The following FAT3 variants were observed in gnomAD, a reference collection of about 807,000 sequenced individuals.
The protein encoded by FAT3 is FAT atypical cadherin 3, also known as protocadherin Fat 3.
Under a neutral mutation model 310.2 loss-of-function variants are expected in FAT3, and 95 were observed. The observed-to-expected ratio is 0.31, with a 90% CI of 0.26 to 0.36. The LOEUF (loss-of-function observed/expected upper bound fraction) is 0.36, where lower values mean the gene tolerates loss of function less well. Among genes scored for constraint, FAT3 ranks in the 10% least tolerant of loss-of-function variants. The pLI is 1.00. For missense variants in FAT3, 5,408 were observed against 5,715.6 expected (o/e 0.95, Z 1.74); for synonymous variants, 2,314 against 2,192.9 (o/e 1.06, Z -1.54).
At chr11:92,477,775 T>A (rs1300574036) in intron 2 of FAT3, among the ~76,000 whole-genome samples, 1 of 152,208 alleles carries the variant, frequency 6.6e-6, no homozygotes, top group Non-Finnish European at 1.5e-5. Context: ...TTCACTGATT[T>A]TTTCTATGTC....
chr11:92,766,206 C>T (rs918480334), intron 6 of FAT3, among the ~76,000 whole-genome samples: 2 of 152,132 alleles, frequency 1.3e-5, no homozygotes, highest in African/African-American at 2.4e-5. Context: ...CAGGGAGAGG[C>T]GCTGGAGAGG....
intron 2 of FAT3, among the ~76,000 whole-genome samples, chr11:92,450,868 A>G (rs1448062523): frequency 1.3e-5 from 2 of 152,210 alleles, no homozygotes; most frequent in African/African-American, 2.4e-5. Flanking sequence ...TTTAATTGCA[A>G]TATTGAAAAT....
chr11:92,410,161 A>T (rs895355790), intron 2 of FAT3, among the ~76,000 whole-genome samples: 4 of 151,998 alleles, frequency 2.6e-5, no homozygotes, highest in African/African-American at 9.7e-5. Context: ...ATTTTTTTTT[A>T]AATCATCAGA....
chr11:92,796,567 C>T (rs890203237), intron 9 of FAT3, among the ~76,000 whole-genome samples: 1 of 152,104 alleles, frequency 6.6e-6, no homozygotes, highest in East Asian at 1.9e-4. Flanking sequence ...AAATTATATA[C>T]CTATCATACT....
chr11:92,429,516 A>C (rs896828757), intron 2 of FAT3, among the ~76,000 whole-genome samples: 1 of 152,146 alleles, frequency 6.6e-6, no homozygotes, highest in African/African-American at 2.4e-5. Context: ...AGTTGCTGGT[A>C]CTGGTTTTTC....
chr11:92,293,007 C>T (rs1946729653), intron 1 of FAT3, among the ~76,000 whole-genome samples: 1 of 133,716 alleles, frequency 7.5e-6, no homozygotes, highest in Admixed American at 8.6e-5. Context: ...CATGGCGAGA[C>T]TCTGCAAAGG....
chr11:92,704,247 C>T (rs986791980), intron 4 of FAT3, among the ~76,000 whole-genome samples: 8 of 152,154 alleles, frequency 5.3e-5, no homozygotes, highest in Non-Finnish European at 1.0e-4. Context: ...CCTCAGAGCC[C>T]GATACTCTGG....
chr11:92,306,743 A>ATATAT (rs1491394097), intron 1 of FAT3, among the ~76,000 whole-genome samples: 3 of 125,894 alleles, frequency 2.4e-5, no homozygotes, highest in Non-Finnish European at 4.7e-5. Flanking sequence ...ATTTATATAT[A>ATATAT]AATATATATA....
In FAT3 at chr11:92,836,688, A is replaced by G; in HGVS notation, c.10209A>G (p.Lys3403=). 1 of 1,613,440 alleles carries G rather than the reference A, an allele frequency of 6.2e-7. No individual in the cohort carries two copies. Among genetic ancestry groups the G allele is most frequent in the Non-Finnish European group, 8.5e-7 (1 of 1,179,638 alleles). The part of the protein sequence containing the change: ...PVLGLVKVKK[K]LDRERVSGYS... ...TGGGACTTGTGAAAGTTAAGAAGAA[A>G]TTGGACCGGGAACGGGTAAGCTAGT... The change falls in exon 16 of 28, where the codon AAA becomes AAG. Residue 3403 remains lysine (K), a synonymous_variant. Transcript: ENST00000525166.
At chr11:92,585,386 A>G (rs547079) in intron 3 of FAT3, among the ~76,000 whole-genome samples, 31,951 of 151,966 alleles carry the variant, frequency 0.21, 3,942 homozygotes, top group African/African-American at 0.35. Context: ...CTGGATTGGT[A>G]GATATGAAAA....
At chr11:92,256,215 T>A (rs755887046) in intron 1 of FAT3, among the ~76,000 whole-genome samples, 11 of 152,084 alleles carry the variant, frequency 7.2e-5, no homozygotes, top group Non-Finnish European at 1.5e-4. Flanking sequence ...AGGTCCTTTA[T>A]GGAATAGGAC....
intron 3 of FAT3, among the ~76,000 whole-genome samples, chr11:92,530,359 G>A (rs1445712727): frequency 6.6e-6 from 1 of 152,074 alleles, no homozygotes; most frequent in Admixed American, 6.5e-5. Flanking sequence ...AAACAAATGA[G>A]GGAGGTAACA....
chr11:92,524,999 A>T (rs537760227), intron 3 of FAT3, 51 bp downstream of exon 3: 1 of 1,421,780 alleles, frequency 7.0e-7, no homozygotes, highest in East Asian at 2.3e-5. Context: ...CAGCCTTTAA[A>T]TTCATCAGCC....
intron 3 of FAT3, among the ~76,000 whole-genome samples, chr11:92,601,274 A>T (rs1164366545): frequency 6.6e-6 from 1 of 152,102 alleles, no homozygotes; most frequent in African/African-American, 2.4e-5. Flanking sequence ...TAAAAAGCAT[A>T]GGCTGCCAGG....
chr11:92,405,403 A>G (rs1950116529), intron 2 of FAT3, among the ~76,000 whole-genome samples: 1 of 152,182 alleles, frequency 6.6e-6, no homozygotes, highest in Non-Finnish European at 1.5e-5. Context: ...TTCAGCAAGA[A>G]CTTGCTGTAA....
At chr11:92,660,310 C>T (rs1297986772) in intron 3 of FAT3, among the ~76,000 whole-genome samples, 1 of 152,004 alleles carries the variant, frequency 6.6e-6, no homozygotes, top group East Asian at 1.9e-4. Context: ...CCTTTAAATG[C>T]ATGAAATAGA....
chr11:92,715,160 C>T (rs997584848), intron 4 of FAT3, among the ~76,000 whole-genome samples: 1 of 151,498 alleles, frequency 6.6e-6, no homozygotes, highest in Admixed American at 6.6e-5. Context: ...AATCCCAGCA[C>T]TTTGGGAGGC....
intron 2 of FAT3, chr11:92,403,349 A>G (rs1950066204): frequency 6.6e-6 from 1 of 152,164 alleles, no homozygotes; most frequent in Non-Finnish European, 1.5e-5. Context: ...TTTTTCACTT[A>G]CTTGCTGTGT....
intron 3 of FAT3, among the ~76,000 whole-genome samples, chr11:92,663,389 G>A (rs1055254702): frequency 6.6e-6 from 1 of 152,090 alleles, no homozygotes; most frequent in Non-Finnish European, 1.5e-5. Context: ...AGAAGCTAAC[G>A]GAGATTACTA....
Sources: allele counts gnomAD v4.1 joint callset (sites outside exome capture counted in the v4.1 genomes callset), GRCh38; gene constraint gnomAD v4.1.1; transcripts MANE v1.5; gene names NCBI Gene and HGNC (gene_info 2026-07-23, HGNC 2026-07-21).